GRIK4: variants seen among roughly 807,000 people sequenced by gnomAD.
The protein encoded by GRIK4 is glutamate receptor ionotropic, kainate 4.
A neutral mutation model predicts 104.9 loss-of-function variants in GRIK4; 40 were observed. The ratio of observed to expected loss-of-function variants is 0.38; its 90% confidence interval spans 0.30 to 0.50. GRIK4 has a LOEUF of 0.50. Ranked by LOEUF, GRIK4 falls within the 20% of genes least tolerant of loss-of-function variation. GRIK4 has a pLI of 0.93. For synonymous variants in GRIK4, 485 were observed against 524.9 expected, an observed-to-expected ratio of 0.92 and a Z score of 1.04; for missense variants, 1,047 against 1,308.1, an observed-to-expected ratio of 0.80 and a Z score of 3.08.
At chr11:120,578,593 C>A (rs544856259) in intron 1 of GRIK4, among the ~76,000 whole-genome samples, 1 of 152,316 alleles carries the variant, frequency 6.6e-6, no homozygotes, top group Admixed American at 6.5e-5. Context: ...GAGGGGGATA[C>A]ACGGATGCTT....
intron 13 of GRIK4, among the ~76,000 whole-genome samples, chr11:120,906,275 A>T (rs1942865144): frequency 6.6e-6 from 1 of 152,234 alleles, no homozygotes; most frequent in Non-Finnish European, 1.5e-5. Context: ...AGGATAGGTG[A>T]TGAGGACACA....
intron 6 of GRIK4, among the ~76,000 whole-genome samples, chr11:120,825,425 A>G (rs914528121): frequency 6.6e-5 from 10 of 152,236 alleles, no homozygotes; most frequent in Non-Finnish European, 1.5e-4. Flanking sequence ...TGAATAACAC[A>G]GTGTCCACAC....
intron 3 of GRIK4, among the ~76,000 whole-genome samples, chr11:120,796,278 G>T (rs1030531328): frequency 4.0e-5 from 6 of 151,896 alleles, no homozygotes; most frequent in Non-Finnish European, 8.8e-5. Flanking sequence ...CTCGTGATCC[G>T]CCCGCCTCAG....
intron 3 of GRIK4, among the ~76,000 whole-genome samples, chr11:120,752,006 A>T (rs1385998427): frequency 6.6e-6 from 1 of 152,100 alleles, no homozygotes; most frequent in Non-Finnish European, 1.5e-5. Context: ...GGAGCTATTA[A>T]TAGTAAGATG....
intron 1 of GRIK4, among the ~76,000 whole-genome samples, chr11:120,533,748 C>T (rs957001112): frequency 1.6e-4 from 24 of 152,062 alleles, no homozygotes; most frequent in Non-Finnish European, 1.5e-4. Context: ...TGTGGTAGTG[C>T]GTGCCTGTAA....
chr11:120,595,740 C>T (rs754737345), intron 1 of GRIK4, among the ~76,000 whole-genome samples: 3 of 152,240 alleles, frequency 2.0e-5, no homozygotes, highest in African/African-American at 4.8e-5. Flanking sequence ...TGAGCTTCCA[C>T]TTCTTCCTGG....
At chr11:120,981,587 A>T (rs535515063) in intron 19 of GRIK4, among the ~76,000 whole-genome samples, 2 of 152,334 alleles carry the variant, frequency 1.3e-5, no homozygotes, top group South Asian at 2.1e-4. Flanking sequence ...TGGTGGGATA[A>T]AAAGTTTTAC....
At chr11:120,757,348 C>T (rs1245543477) in intron 3 of GRIK4, among the ~76,000 whole-genome samples, 3 of 152,264 alleles carry the variant, frequency 2.0e-5, no homozygotes, top group African/African-American at 7.2e-5. Context: ...AGCTCTGTCT[C>T]TCTCTGGCTG....
chr11:120,952,787 C>T lies in GRIK4; in HGVS notation c.1591-68C>T. On this transcript the variant is annotated intron_variant, in intron 14 of 20. Coordinates refer to ENST00000527524, the MANE Select transcript of GRIK4 (RefSeq NM_014619.5). The surrounding 1 kb of genome is among the most constrained non-coding windows in gnomAD (Gnocchi z 5.2). ...CACACTCACTACCTCCTCTACCCCGCCCTGCCTGCCCCAAGGTCATGTTGA... is the reference window on the plus strand; with the variant it reads ...CACACTCACTACCTCCTCTACCCCGTCCTGCCTGCCCCAAGGTCATGTTGA... The T allele has an allele frequency of 9.4e-7, 1 of 1,067,870 alleles. No homozygotes were observed. Among genetic ancestry groups the T allele is most frequent in the Non-Finnish European group, 1.5e-6 (1 of 681,778 alleles). The allele number at this position is 1,067,870 out of a possible 1,614,324, so 66.1% of individuals were successfully genotyped here.
At chr11:120,695,751 C>T (rs751527019) in intron 3 of GRIK4, among the ~76,000 whole-genome samples, 15 of 152,022 alleles carry the variant, frequency 9.9e-5, no homozygotes, top group Middle Eastern at 3.2e-3. Context: ...TTAGCAGGGC[C>T]GCCTGGCTGG....
intron 1 of GRIK4, among the ~76,000 whole-genome samples, chr11:120,587,514 A>C (rs1948682590): frequency 1.3e-5 from 2 of 152,176 alleles, no homozygotes; most frequent in African/African-American, 4.8e-5. Flanking sequence ...GCATATGTAA[A>C]TCGCTTGGCA....
chr11:120,741,418 A>G (rs1028286659), intron 3 of GRIK4, among the ~76,000 whole-genome samples: 1 of 151,572 alleles, frequency 6.6e-6, no homozygotes. Context: ...AGCTGGGACT[A>G]CAGGCACGCA....
At chr11:120,800,486 A>G (rs1041811650) in intron 3 of GRIK4, among the ~76,000 whole-genome samples, 1 of 152,082 alleles carries the variant, frequency 6.6e-6, no homozygotes, top group African/African-American at 2.4e-5. Context: ...GGTGATTGAA[A>G]TGTTCCCAGG....
At chr11:120,873,156 A>G (rs1954660986) in intron 9 of GRIK4, 1 of 152,186 alleles carries the variant, frequency 6.6e-6, no homozygotes, top group South Asian at 2.1e-4. Flanking sequence ...CCCGCATGGC[A>G]GGACCCCTGC....
chr11:120,871,678 C>T, intron 9 of GRIK4: 1 of 456,308 alleles, frequency 2.2e-6, no homozygotes, highest in Non-Finnish European at 4.4e-6. Context: ...TGGCCTGATC[C>T]AGTATCTCTG....
chr11:120,812,294 G>A (rs1326308925), intron 4 of GRIK4, among the ~76,000 whole-genome samples: 1 of 152,196 alleles, frequency 6.6e-6, no homozygotes, highest in Non-Finnish European at 1.5e-5. Flanking sequence ...GTGGGTAAGA[G>A]CACTGGCTTT....
intron 13 of GRIK4, among the ~76,000 whole-genome samples, chr11:120,917,016 C>T (rs1433319669): frequency 2.6e-5 from 4 of 151,530 alleles, no homozygotes; most frequent in Admixed American, 1.3e-4. Context: ...GAGGCCGAGG[C>T]GAGCGGATCA....
At chr11:120,760,884 T>C (rs1182044348) in intron 3 of GRIK4, among the ~76,000 whole-genome samples, 1 of 152,182 alleles carries the variant, frequency 6.6e-6, no homozygotes, top group Non-Finnish European at 1.5e-5. Flanking sequence ...GTCCTTGCTA[T>C]TGTGAATAGT....
At chr11:120,835,842 G>T (rs1421731004) in intron 7 of GRIK4, among the ~76,000 whole-genome samples, 1 of 152,160 alleles carries the variant, frequency 6.6e-6, no homozygotes, top group Non-Finnish European at 1.5e-5. Context: ...TTGGCTAGGG[G>T]TATTTATGAC....
Sources: gnomAD v4.1 joint callset for allele counts (sites outside exome capture counted in the v4.1 genomes callset) on GRCh38, gnomAD v4.1.1 for gene constraint, Gnocchi (gnomAD v3.1) non-coding constraint, MANE v1.5 for transcripts, NCBI Gene and HGNC (gene_info 2026-07-23, HGNC 2026-07-21) for gene names.